The following TANC2 variants were observed in gnomAD, a reference collection of about 807,000 sequenced individuals.
TANC2 encodes the protein tetratricopeptide repeat, ankyrin repeat and coiled-coil containing 2.
In TANC2, 26 loss-of-function variants were observed where a neutral mutation model predicts 210.5. The observed-to-expected ratio is 0.12, with a 90% CI of 0.09 to 0.17. The LOEUF is 0.17. Among genes scored for constraint, TANC2 ranks in the 10% least tolerant of loss-of-function variants. The pLI is 1.00. For missense variants in TANC2, 2,129 were observed against 2,608.9 expected (o/e 0.82, Z 4.01); for synonymous variants, 931 against 967.1 (o/e 0.96, Z 0.69).
chr17:63,395,662 T>C, intron 17 of TANC2, 81 bp from the exon 18 acceptor site: 1 of 1,303,884 alleles, frequency 7.7e-7, no homozygotes, highest in Non-Finnish European at 1.1e-6. Context: ...TAGCCTAGGC[T>C]TGTGCAGTGG....
intron 7 of TANC2, among the ~76,000 whole-genome samples, chr17:63,219,621 G>A (rs1449421685): frequency 6.6e-6 from 1 of 151,942 alleles, no homozygotes; most frequent in African/African-American, 2.4e-5. Context: ...CATATTGGTC[G>A]GTTGTTCTTG....
intron 2 of TANC2, among the ~76,000 whole-genome samples, chr17:63,022,682 G>A (rs971776231): frequency 6.6e-6 from 1 of 152,176 alleles, no homozygotes; most frequent in African/African-American, 2.4e-5. Context: ...AGACCTTGGA[G>A]GCTGTACCTC....
intron 5 of TANC2, among the ~76,000 whole-genome samples, chr17:63,169,109 G>A (rs2040311951): frequency 6.6e-6 from 1 of 152,132 alleles, no homozygotes; most frequent in Non-Finnish European, 1.5e-5. Flanking sequence ...AATGACTCCT[G>A]TTCCTGTAAC....
chr17:63,115,399 A>G (rs1198345436), intron 4 of TANC2, among the ~76,000 whole-genome samples: 1 of 152,172 alleles, frequency 6.6e-6, no homozygotes, highest in East Asian at 1.9e-4. Context: ...AACCACTTAT[A>G]CTTCTTTATT....
chr17:63,188,847 TTAC>T (rs2041087813), intron 5 of TANC2, among the ~76,000 whole-genome samples: 1 of 152,156 alleles, frequency 6.6e-6, no homozygotes, highest in Non-Finnish European at 1.5e-5. Context: ...TTTAGTATAT[TTAC>T]AGACTTGTGT....
chr17:63,255,990 CT>C (rs769816546), intron 8 of TANC2, among the ~76,000 whole-genome samples: 4 of 145,972 alleles, frequency 2.7e-5, no homozygotes, highest in Non-Finnish European at 4.5e-5. Context: ...ATTGCAACCT[CT>C]TTCCCCCAGG....
chr17:63,156,139 T>C (rs891551757), intron 5 of TANC2, among the ~76,000 whole-genome samples: 5 of 152,212 alleles, frequency 3.3e-5, no homozygotes, highest in African/African-American at 9.6e-5. Context: ...TGATTTTGCA[T>C]TGTCCTATGA....
chr17:63,214,387 A>G (rs1483108130), intron 7 of TANC2, among the ~76,000 whole-genome samples: 1 of 152,242 alleles, frequency 6.6e-6, no homozygotes, highest in Non-Finnish European at 1.5e-5. Context: ...AGAATTGTTC[A>G]AATCGTTGTG....
At chr17:63,098,816 G>C (rs17631111) in intron 3 of TANC2, among the ~76,000 whole-genome samples, 21,134 of 151,770 alleles carry the variant, frequency 0.14, 1,905 homozygotes, top group Middle Eastern at 0.21. Flanking sequence ...AATTGCACAC[G>C]ATGGCTTGCT....
chr17:63,425,635 GGA>G (rs957775273), exon 28 of TANC2: 3 of 152,240 alleles, frequency 2.0e-5, no homozygotes, highest in Non-Finnish European at 4.4e-5. Context: ...CATCCCCTCG[GGA>G]GAGAGGAGCT....
At chr17:63,206,037 A>G (rs1305881431) in intron 7 of TANC2, among the ~76,000 whole-genome samples, 1 of 152,236 alleles carries the variant, frequency 6.6e-6, no homozygotes, top group Non-Finnish European at 1.5e-5. Flanking sequence ...AAATGGGAAA[A>G]AGACTTACAT....
At chr17:63,102,322 A>T (rs1296656515) in intron 4 of TANC2, among the ~76,000 whole-genome samples, 6 of 151,992 alleles carry the variant, frequency 3.9e-5, no homozygotes. Flanking sequence ...ACTAAAAAAA[A>T]TAAAAATAAA....
At chr17:63,339,708 C>T (rs754256357) in intron 11 of TANC2, among the ~76,000 whole-genome samples, 2 of 151,390 alleles carry the variant, frequency 1.3e-5, no homozygotes, top group Non-Finnish European at 2.9e-5. Context: ...TATTTTATTC[C>T]TCATGCTTTG....
chr17:63,402,248 C>G (rs752682695), intron 19 of TANC2, among the ~76,000 whole-genome samples: 4 of 152,174 alleles, frequency 2.6e-5, no homozygotes, highest in Non-Finnish European at 5.9e-5. Flanking sequence ...CTTTCAGCAT[C>G]TAACTCACAT....
At chr17:63,035,315 T>C (rs2034927628) in intron 2 of TANC2, among the ~76,000 whole-genome samples, 1 of 152,214 alleles carries the variant, frequency 6.6e-6, no homozygotes, top group African/African-American at 2.4e-5. Flanking sequence ...AATACAAAGT[T>C]AATAGATTAT....
intron 19 of TANC2, among the ~76,000 whole-genome samples, chr17:63,400,570 ATATAAT>A (rs1321490887): frequency 1.3e-4 from 20 of 152,156 alleles, no homozygotes; most frequent in Non-Finnish European, 1.5e-5. Flanking sequence ...CATATATACA[ATATAAT>A]TATAATATTA....
intron 21 of TANC2, among the ~76,000 whole-genome samples, chr17:63,409,158 T>C (rs1332072999): frequency 1.3e-5 from 2 of 152,052 alleles, no homozygotes; most frequent in African/African-American, 2.4e-5. Flanking sequence ...TTATTTGTAT[T>C]TGTTTTTTGT....
At chr17:63,038,086 C>T (rs1379761609) in intron 2 of TANC2, among the ~76,000 whole-genome samples, 2 of 152,078 alleles carry the variant, frequency 1.3e-5, no homozygotes, top group African/African-American at 2.4e-5. Flanking sequence ...GAGTGGTATT[C>T]TTGCCTTGTT....
chr17:63,257,763 T>A (rs2043239180), intron 8 of TANC2, among the ~76,000 whole-genome samples: 1 of 152,232 alleles, frequency 6.6e-6, no homozygotes, highest in African/African-American at 2.4e-5. Context: ...ATAAAAACTC[T>A]CTACACTTTA....
Sources: allele counts gnomAD v4.1 joint callset (sites outside exome capture counted in the v4.1 genomes callset), GRCh38; gene constraint gnomAD v4.1.1; transcripts MANE v1.5; gene names NCBI Gene and HGNC (gene_info 2026-07-23, HGNC 2026-07-21).